The following TAMM41 variants were observed in gnomAD, a reference collection of about 807,000 sequenced individuals.
TAMM41 encodes the protein phosphatidate cytidylyltransferase, mitochondrial.
In TAMM41, 36 loss-of-function variants were observed where a neutral mutation model predicts 44.1. The ratio of observed to expected loss-of-function variants is 0.82; its 90% CI spans 0.63 to 1.08. TAMM41 has a LOEUF of 1.08. Ranked by LOEUF, TAMM41 falls within the 50% of genes least tolerant of loss-of-function variation. The pLI, the probability that TAMM41 is intolerant of heterozygous loss-of-function variation, is 0.00. For synonymous variants in TAMM41, 164 were observed against 153.1 expected (o/e 1.07, Z -0.53); for missense variants, 417 against 404.3 (o/e 1.03, Z -0.27).
intron 7 of TAMM41, among the ~76,000 whole-genome samples, chr3:11,806,643 G>A (rs570616365): frequency 6.6e-6 from 1 of 152,200 alleles, no homozygotes; most frequent in African/African-American, 2.4e-5. Flanking sequence ...AGGAGTTCCA[G>A]AAAGAGAACA....
the TAMM41 span, among the ~76,000 whole-genome samples, chr3:11,784,796 CTTTTTTTTT>C: frequency 1.8e-5 from 2 of 109,034 alleles, no homozygotes; most frequent in Non-Finnish European, 1.8e-5. Flanking sequence ...CTTTTCTTTT[CTTTTTTTTT>C]TTTTTTTTTT....
chr3:11,844,193 CA>C lies in TAMM41; in HGVS notation c.153del (p.Phe51LeufsTer5). 1 of 1,614,082 alleles carries C rather than the reference CA, an allele frequency of 6.2e-7. No homozygotes were observed. The highest frequency in any genetic ancestry group is 8.5e-7 in the Non-Finnish European group (1 of 1,180,018). ...GCGACAGGGTCATCTACTGTGAACA[CA>C]AAGTCCAGCATAGCATTCTGTGGAG... ...SSDQKNAMLD[F>X]VFTVDDPVAW... On this transcript the variant is annotated frameshift_variant, in exon 2 of 8. Transcript: ENST00000455809. LOFTEE classifies it high-confidence loss of function.
intron 3 of TAMM41, among the ~76,000 whole-genome samples, chr3:11,835,195 T>C (rs190988949): frequency 6.4e-4 from 97 of 152,326 alleles, no homozygotes; most frequent in Non-Finnish European, 1.1e-3. Context: ...CACCCTCTTT[T>C]CATTAGATTT....
At chr3:11,733,025 G>C in the TAMM41 span, among the ~76,000 whole-genome samples, 1 of 141,932 alleles carries the variant, frequency 7.0e-6, no homozygotes, top group African/African-American at 2.7e-5. Flanking sequence ...TTGAGATGGA[G>C]TCTTGCTCTG....
chr3:11,756,062 G>A, the TAMM41 span, among the ~76,000 whole-genome samples: 3 of 152,086 alleles, frequency 2.0e-5, no homozygotes, highest in Non-Finnish European at 4.4e-5. Flanking sequence ...AGCAATCACT[G>A]TGTCCATCTT....
the TAMM41 span, among the ~76,000 whole-genome samples, chr3:11,738,579 T>C: frequency 6.6e-6 from 1 of 152,156 alleles, no homozygotes; most frequent in African/African-American, 2.4e-5. Context: ...ACCGACCTTT[T>C]AGGGCTGTGC....
At position 11,829,908 on chromosome 3, in the gene TAMM41, G is replaced by A. The variant is rs78518487; in HGVS notation, c.412-44C>T. The A allele has an allele frequency of 1.7e-4, 275 of 1,592,202 alleles. No individual in the cohort carries two copies. The East Asian group carries it at 6.1e-3, about 35-fold the overall frequency. On this transcript the variant is annotated intron_variant, in intron 3 of 7. Coordinates refer to ENST00000455809, the MANE Select transcript of TAMM41 (RefSeq NM_001284401.2). ...TGGGAAGAAAAATTCCAGAAGTGGA[G>A]TATTGCTCAAGCATGGGTTACAAAT...
chr3:11,819,424 A>G lies in TAMM41; in HGVS notation c.563-2087T>C, dbSNP rs1383991950. 2.6e-5 allele frequency among the ~76,000 whole-genome samples: 4 copies of G among 152,244 alleles called. No homozygotes were observed. In the East Asian group the frequency reaches 7.7e-4, roughly 29 times the overall value. On this transcript the variant is annotated intron_variant, in intron 4 of 7. Transcript: ENST00000455809. ...TAAGGTTTCCAGGAAGTAAAAATAT[A>G]CTACATATATAAAATTGCTCACTGA... is the stretch of plus-strand genomic sequence containing the variant.
rs1204085653 is a variant in TAMM41 at position 11,846,654 on chromosome 3, G to C, written c.-18C>G. ...AGCGCCATGGGGTCGAGGCTAACAG[G>C]GGACACTCAGCGCAGCAGGGCGAGG... On this transcript the variant is annotated 5_prime_UTR_variant, in exon 1 of 8. Transcript: ENST00000455809. The C allele has an allele frequency of 1.9e-6, 3 of 1,613,980 alleles. No individual in the cohort carries two copies. Among genetic ancestry groups the C allele is most frequent in the South Asian group, 2.2e-5 (2 of 91,074 alleles).
At chr3:11,770,641 A>G in the TAMM41 span, among the ~76,000 whole-genome samples, 1 of 152,156 alleles carries the variant, frequency 6.6e-6, no homozygotes, top group African/African-American at 2.4e-5. Flanking sequence ...GTGACATAAT[A>G]GGAAGGTCAG....
the TAMM41 span, among the ~76,000 whole-genome samples, chr3:11,733,251 G>A: frequency 6.6e-6 from 1 of 151,854 alleles, no homozygotes; most frequent in East Asian, 1.9e-4. Flanking sequence ...TGCCCACCTT[G>A]GCCTCCCAAA....
chr3:11,746,645 A>AT, the TAMM41 span, among the ~76,000 whole-genome samples: 4 of 108,934 alleles, frequency 3.7e-5, no homozygotes, highest in African/African-American at 7.7e-5. Context: ...TTTATTATTA[A>AT]TTAATTTATT....
chr3:11,733,000 G>T, the TAMM41 span, among the ~76,000 whole-genome samples: 34,751 of 84,942 alleles, frequency 0.41, 5,055 homozygotes, highest in African/African-American at 0.53. Flanking sequence ...TTTTTTTTTT[G>T]TTTGTTTGTT....
chr3:11,799,174 T>C (rs2077683612), intron 7 of TAMM41, among the ~76,000 whole-genome samples: 1 of 151,504 alleles, frequency 6.6e-6, no homozygotes, highest in African/African-American at 2.4e-5. Flanking sequence ...AGAACCTGTC[T>C]CCAAAAAAAC....
the TAMM41 span, among the ~76,000 whole-genome samples, chr3:11,782,562 GA>G: frequency 6.8e-6 from 1 of 146,348 alleles, no homozygotes; most frequent in African/African-American, 2.5e-5. Flanking sequence ...AAAAAAAAAA[GA>G]AAAAAAAAGT....
In TAMM41 at chr3:11,829,879, A is replaced by T. The variant is rs772401911; in HGVS notation, c.412-15T>A. The T allele has an allele frequency of 6.2e-7, 1 of 1,613,134 alleles. No individual in the cohort carries two copies. The highest frequency in any genetic ancestry group is 8.5e-7 in the Non-Finnish European group (1 of 1,179,522). ...ATAATTTTCACCTGAAAGAAGCAGA[A>T]CATTGGGAAGAAAAATTCCAGAAGT... On this transcript the variant is annotated splice_polypyrimidine_tract_variant and intron_variant, in intron 3 of 7. Coordinates refer to ENST00000455809, the MANE Select transcript of TAMM41 (RefSeq NM_001284401.2).
chr3:11,827,541 T>C (rs2125023246), intron 4 of TAMM41, among the ~76,000 whole-genome samples: 1 of 148,340 alleles, frequency 6.7e-6, no homozygotes, highest in African/African-American at 2.5e-5. Context: ...ACTCCTGACC[T>C]CAAGTGATCT....
the TAMM41 span, among the ~76,000 whole-genome samples, chr3:11,756,457 CTT>C: frequency 6.6e-6 from 1 of 152,146 alleles, no homozygotes; most frequent in Non-Finnish European, 1.5e-5. Flanking sequence ...CACAATGACT[CTT>C]TGAGGTTTGT....
At chr3:11,845,694 C>T (rs775202144) in intron 1 of TAMM41, among the ~76,000 whole-genome samples, 1 of 152,106 alleles carries the variant, frequency 6.6e-6, no homozygotes, top group Non-Finnish European at 1.5e-5. Flanking sequence ...CATAGATGGC[C>T]TCACCAGGAA....
Sources: gnomAD v4.1 joint callset for allele counts (sites outside exome capture counted in the v4.1 genomes callset) on GRCh38, gnomAD v4.1.1 for gene constraint, MANE v1.5 for transcripts, NCBI Gene and HGNC (gene_info 2026-07-23, HGNC 2026-07-21) for gene names.